Variants in TRAPPC9 observed in about 807,000 individuals in gnomAD.
TRAPPC9 encodes the protein trafficking protein particle complex subunit 9, also known as IKK2 binding protein.
Under a neutral mutation model 124.0 loss-of-function variants are expected in TRAPPC9, and 83 were observed. That is an observed-to-expected ratio of 0.67 (90% CI 0.56 to 0.80). TRAPPC9 has a LOEUF of 0.80. Among genes scored for constraint, TRAPPC9 ranks in the 30% least tolerant of loss-of-function variants. TRAPPC9 has a pLI of 0.00. For synonymous variants in TRAPPC9, 638 were observed against 617.5 expected (o/e 1.03, Z -0.49); for missense variants, 1,302 against 1,508.3 (o/e 0.86, Z 2.27).
At chr8:140,338,281 G>A (rs1327297576) in intron 9 of TRAPPC9, among the ~76,000 whole-genome samples, 1 of 152,164 alleles carries the variant, frequency 6.6e-6, no homozygotes, top group Non-Finnish European at 1.5e-5. Context: ...GTGGGCAAAG[G>A]AGGCACAGGG....
In TRAPPC9 at chr8:139,910,354, C is replaced by T. The variant is rs1831646152; in HGVS notation, c.2811-54G>A. The stretch of plus-strand genomic sequence containing the variant: ...AATTCATCAGTAGGGCAATTTCTGC[C>T]GGCTGTTGGAGAATCAGCACATGCC... On this transcript the variant is annotated intron_variant, in intron 19 of 22. Coordinates refer to ENST00000438773, the MANE Select transcript of TRAPPC9 (RefSeq NM_001160372.4). 2.2e-5 allele frequency: 35 copies of T among 1,592,162 alleles called. No homozygotes were observed. The South Asian group carries it at 2.4e-4, about 11-fold the overall frequency.
intron 7 of TRAPPC9, among the ~76,000 whole-genome samples, chr8:140,389,049 C>T (rs2068846388): frequency 6.7e-6 from 1 of 150,322 alleles, no homozygotes; most frequent in African/African-American, 2.4e-5. Flanking sequence ...CCTCCGCCTC[C>T]CAGGTTCAAG....
At chr8:140,033,660 T>TTTTTG (rs1416227091) in intron 17 of TRAPPC9, among the ~76,000 whole-genome samples, 257 of 21,588 alleles carry the variant, frequency 0.012, 22 homozygotes, top group East Asian at 0.021. Flanking sequence ...ATAATGTGGT[T>TTTTTG]TTTTTTTTTT....
At chr8:139,821,437 C>G (rs1002839146) in intron 21 of TRAPPC9, among the ~76,000 whole-genome samples, 1 of 152,172 alleles carries the variant, frequency 6.6e-6, no homozygotes, top group African/African-American at 2.4e-5. Flanking sequence ...TGTCAGCATG[C>G]GGGTCTCAGA....
At chr8:140,115,931 C>A (rs1452118807) in intron 17 of TRAPPC9, among the ~76,000 whole-genome samples, 3 of 152,150 alleles carry the variant, frequency 2.0e-5, no homozygotes, top group African/African-American at 7.2e-5. Flanking sequence ...ACCTGGCGCA[C>A]AACAGGTGCG....
intron 21 of TRAPPC9, among the ~76,000 whole-genome samples, chr8:139,763,524 T>A (rs1461253448): frequency 6.6e-6 from 1 of 151,496 alleles, no homozygotes; most frequent in Non-Finnish European, 1.5e-5. Flanking sequence ...TGTGCCAGGT[T>A]CTACAAACAA....
At position 140,024,041 on chromosome 8, in the gene TRAPPC9, G is replaced by A. The variant is rs1339532387; in HGVS notation, c.2595C>T (p.Gly865=). 2 of 1,614,014 alleles carry A rather than the reference G, an allele frequency of 1.2e-6. No individual in the cohort carries two copies. The highest frequency in any genetic ancestry group is 2.7e-5 in the African/African-American group (2 of 74,980). The change falls in exon 18 of 23, where the codon GGC becomes GGT. Residue 865 remains glycine, a synonymous_variant. Transcript: ENST00000438773. ...TGTAATATCCTTCAGTGTGGCCCGG[G>A]CCTCCAGAGTATTTGAAATTCAGGA... ...EAVLNFKYSG[G]PGHTEGYYRN... is the part of the protein sequence containing the mutation.
chr8:140,005,749 T>C lies in TRAPPC9; in HGVS notation c.2700-16913A>G, dbSNP rs180924414. On this transcript the variant is annotated intron_variant, in intron 18 of 22. Coordinates refer to ENST00000438773, the MANE Select transcript of TRAPPC9 (RefSeq NM_001160372.4). ...GACTCACTAAAAGACATTAAGAAAA[T>C]AGGGGGAAAGGTCTTAGCCAGCCAT... Among the ~76,000 whole-genome samples, 356 of 151,166 alleles carry C rather than the reference T, an allele frequency of 2.4e-3. 1 individual carries two copies. The highest frequency in any genetic ancestry group is 9.5e-3 in the South Asian group (45 of 4,740).
At chr8:140,070,233 T>C (rs1018336658) in intron 17 of TRAPPC9, among the ~76,000 whole-genome samples, 3 of 152,254 alleles carry the variant, frequency 2.0e-5, no homozygotes, top group East Asian at 3.8e-4. Context: ...TCTTCACGCA[T>C]ACCTTTTTTT....
chr8:140,185,850 T>C (rs890583702), intron 17 of TRAPPC9, among the ~76,000 whole-genome samples: 1 of 152,226 alleles, frequency 6.6e-6, no homozygotes, highest in African/African-American at 2.4e-5. Context: ...TAAGTAGCTT[T>C]ATAGCAGAGA....
chr8:140,287,520 G>C (rs2065522676), intron 13 of TRAPPC9, 88 bp downstream of exon 13: 2 of 1,552,004 alleles, frequency 1.3e-6, no homozygotes, highest in Non-Finnish European at 1.8e-6. Context: ...GGACTGGCAT[G>C]ACGGGCGATC....
chr8:140,168,096 T>C (rs1342093776), intron 17 of TRAPPC9, among the ~76,000 whole-genome samples: 3 of 152,172 alleles, frequency 2.0e-5, no homozygotes, highest in East Asian at 1.9e-4. Context: ...TTCTCCTCTA[T>C]CAGGTAACTT....
Position 140,409,912 on chromosome 8 carries a change from T to C in TRAPPC9, c.887-4214A>G, listed in dbSNP as rs114064100. Among the ~76,000 whole-genome samples, 812 of 151,918 alleles carry C rather than the reference T, an allele frequency of 5.3e-3. 11 individuals are homozygous for C. Among genetic ancestry groups the C allele is most frequent in the African/African-American group, 0.018 (756 of 41,442 alleles). On this transcript the variant is annotated intron_variant, in intron 5 of 22. Coordinates refer to ENST00000438773, the MANE Select transcript of TRAPPC9 (RefSeq NM_001160372.4). ...AGCACTTTGGGAGGCCAAGGAAGGCTCCTGGGTTGAGCCCAAGAGTTCAAG... is the reference window on the plus strand; with the variant it reads ...AGCACTTTGGGAGGCCAAGGAAGGCCCCTGGGTTGAGCCCAAGAGTTCAAG...
chr8:140,261,242 A>C (rs2064400777), intron 15 of TRAPPC9, among the ~76,000 whole-genome samples: 1 of 152,210 alleles, frequency 6.6e-6, no homozygotes, highest in Non-Finnish European at 1.5e-5. Context: ...ATTGCTGCCC[A>C]TTTCATTCAT....
At chr8:140,275,059 G>C (rs1001941544) in intron 15 of TRAPPC9, among the ~76,000 whole-genome samples, 1 of 152,026 alleles carries the variant, frequency 6.6e-6, no homozygotes, top group African/African-American at 2.4e-5. Context: ...TTTGATCAAT[G>C]CACTCGCCAG....
At chr8:139,909,998 C>T in intron 20 of TRAPPC9, 149 bp downstream of exon 20, 1 of 894,414 alleles carries the variant, frequency 1.1e-6, no homozygotes, top group Non-Finnish European at 1.7e-6. Flanking sequence ...AAGGAAATGC[C>T]AAGCCTTTGG....
chr8:140,436,368 A>G (rs2070813805), intron 3 of TRAPPC9, among the ~76,000 whole-genome samples: 1 of 152,236 alleles, frequency 6.6e-6, no homozygotes, highest in Non-Finnish European at 1.5e-5. Flanking sequence ...AAAAAATAAA[A>G]TAATAAGCTT....
intron 9 of TRAPPC9, among the ~76,000 whole-genome samples, chr8:140,331,402 A>G (rs1250908735): frequency 3.3e-5 from 5 of 152,224 alleles, no homozygotes; most frequent in Non-Finnish European, 5.9e-5. Context: ...ACTTCAGGTC[A>G]TTGGTCTAAG....
chr8:140,328,844 C>T (rs2066813568), intron 9 of TRAPPC9, among the ~76,000 whole-genome samples: 3 of 152,110 alleles, frequency 2.0e-5, no homozygotes, highest in Middle Eastern at 3.4e-3. Flanking sequence ...ATTTGATGCT[C>T]GATTGGACAC....
Sources: gnomAD v4.1 joint callset for allele counts (sites outside exome capture counted in the v4.1 genomes callset) on GRCh38, gnomAD v4.1.1 for gene constraint, MANE v1.5 for transcripts, NCBI Gene and HGNC (gene_info 2026-07-23, HGNC 2026-07-21) for gene names.